Variants in CLNK observed in about 807,000 individuals in gnomAD.
CLNK encodes cytokine-dependent hematopoietic cell linker.
Under a neutral mutation model 68.6 loss-of-function variants are expected in CLNK, and 74 were observed. The ratio of observed to expected loss-of-function variants is 1.08; its 90% CI spans 0.89 to 1.31. The LOEUF is 1.31. Among genes scored for constraint, CLNK ranks in the 50% most tolerant of loss-of-function variants. The pLI is 0.00. For missense variants in CLNK, 553 were observed against 515.3 expected, an observed-to-expected ratio of 1.07 and a Z score of -0.71; for synonymous variants, 198 against 172.2, an observed-to-expected ratio of 1.15 and a Z score of -1.17.
chr4:10,649,491 A>C (rs1723645170), intron 2 of CLNK, among the ~76,000 whole-genome samples: 1 of 152,094 alleles, frequency 6.6e-6, no homozygotes, highest in Non-Finnish European at 1.5e-5. Context: ...ACTTGATACA[A>C]AGCTCACATA....
At chr4:10,530,694 TA>T (rs1718499883) in intron 12 of CLNK, among the ~76,000 whole-genome samples, 1 of 152,156 alleles carries the variant, frequency 6.6e-6, no homozygotes, top group Non-Finnish European at 1.5e-5. Context: ...ACCAAAGGGT[TA>T]TGATTTGCGG....
At chr4:10,637,513 A>C (rs1308130573) in intron 2 of CLNK, among the ~76,000 whole-genome samples, 1 of 147,942 alleles carries the variant, frequency 6.8e-6, no homozygotes, top group South Asian at 2.2e-4. Flanking sequence ...TTGGAGCAAA[A>C]CATTAGAATC....
rs1158485942 is a variant in CLNK at position 10,525,912 on chromosome 4, GTTA to G, written c.657_659del (p.Asn220del). 6.4e-7 allele frequency: 1 copy of G among 1,562,070 alleles called. No individual in the cohort carries two copies. Among genetic ancestry groups the G allele is most frequent in the African/African-American group, 1.4e-5 (1 of 73,928 alleles). ...GATGAGTTGATTCAGGCTTCCTCTG[GTTA>G]TGAGGAACTATATAAAACAGTGACA... On this transcript the variant is annotated inframe_deletion, in exon 14 of 19. Coordinates refer to ENST00000226951, the MANE Select transcript of CLNK (RefSeq NM_052964.4).
At chr4:10,499,228 C>G (rs1716934196) in intron 18 of CLNK, among the ~76,000 whole-genome samples, 2 of 152,126 alleles carry the variant, frequency 1.3e-5, no homozygotes, top group Admixed American at 1.3e-4. Flanking sequence ...TGACCCCAGC[C>G]AATGGGGAAA....
chr4:10,699,494 C>CTCTCTCTATATATATATA, the CLNK span, among the ~76,000 whole-genome samples: 16 of 56,988 alleles, frequency 2.8e-4, no homozygotes, highest in African/African-American at 1.3e-3. Context: ...CTCTCTCTCT[C>CTCTCTCTATATATATATA]TATATATATA....
intron 12 of CLNK, among the ~76,000 whole-genome samples, chr4:10,530,959 C>T (rs142799985): frequency 2.9e-4 from 44 of 152,304 alleles, no homozygotes; most frequent in African/African-American, 9.9e-4. Flanking sequence ...TGTTATCTTT[C>T]TTGGCACGAT....
At chr4:10,630,078 G>T (rs1227853704) in intron 2 of CLNK, among the ~76,000 whole-genome samples, 1 of 152,118 alleles carries the variant, frequency 6.6e-6, no homozygotes, top group Non-Finnish European at 1.5e-5. Context: ...ATAATGAAGG[G>T]ATATAACAGA....
chr4:10,525,344 C>T (rs931756285), intron 14 of CLNK, among the ~76,000 whole-genome samples: 3 of 152,136 alleles, frequency 2.0e-5, no homozygotes, highest in Non-Finnish European at 2.9e-5. Context: ...GGATTACAGG[C>T]GTGAGCCACC....
chr4:10,588,599 C>G (rs1721070444), intron 3 of CLNK, among the ~76,000 whole-genome samples: 1 of 152,144 alleles, frequency 6.6e-6, no homozygotes, highest in Non-Finnish European at 1.5e-5. Flanking sequence ...TTGTTGTTGT[C>G]TGTTCAACCC....
chr4:10,669,926 C>A (rs535354231), intron 1 of CLNK, among the ~76,000 whole-genome samples: 9 of 152,260 alleles, frequency 5.9e-5, no homozygotes, highest in Admixed American at 3.9e-4. Flanking sequence ...GGGACTTGAA[C>A]TTTCATCAGT....
At chr4:10,519,430 C>T (rs868647335) in intron 15 of CLNK, among the ~76,000 whole-genome samples, 12 of 152,202 alleles carry the variant, frequency 7.9e-5, no homozygotes, top group South Asian at 4.1e-4. Context: ...GCCCAGTCAG[C>T]CCCTGGACTT....
intron 15 of CLNK, among the ~76,000 whole-genome samples, chr4:10,515,409 C>G (rs1717788299): frequency 6.6e-6 from 1 of 151,890 alleles, no homozygotes; most frequent in South Asian, 2.1e-4. Flanking sequence ...TGTTCCTTTT[C>G]TTAAACATGA....
At chr4:10,687,640 A>G (rs1038897530), upstream of CLNK, among the ~76,000 whole-genome samples, 2 of 152,150 alleles carry the variant, frequency 1.3e-5, no homozygotes, top group African/African-American at 2.4e-5. Context: ...AGCTCACTAG[A>G]GGAGCCTATA....
At chr4:10,726,879 A>T in the CLNK span, among the ~76,000 whole-genome samples, 1 of 152,200 alleles carries the variant, frequency 6.6e-6, no homozygotes, top group African/African-American at 2.4e-5. Context: ...GATCAAATGG[A>T]ACTGTTGCTA....
chr4:10,607,838 C>T (rs1721845452), intron 2 of CLNK, among the ~76,000 whole-genome samples: 2 of 152,180 alleles, frequency 1.3e-5, no homozygotes. Flanking sequence ...CTCATTGTGT[C>T]ACTGAACTAA....
the CLNK span, among the ~76,000 whole-genome samples, chr4:10,719,256 C>T: frequency 3.3e-5 from 5 of 151,996 alleles, no homozygotes; most frequent in African/African-American, 1.2e-4. Flanking sequence ...CAGATATTAG[C>T]AGAGTGGATT....
chr4:10,523,884 G>A, intron 14 of CLNK: 1 of 335,602 alleles, frequency 3.0e-6, no homozygotes. Context: ...AATTAGCTGG[G>A]CATGGTGGCA....
intron 2 of CLNK, among the ~76,000 whole-genome samples, chr4:10,660,426 C>G (rs1724152060): frequency 6.6e-6 from 1 of 152,080 alleles, no homozygotes; most frequent in Admixed American, 6.5e-5. Context: ...AGGAAATATC[C>G]AATACCATTT....
chr4:10,702,540 G>C, the CLNK span, among the ~76,000 whole-genome samples: 1 of 152,150 alleles, frequency 6.6e-6, no homozygotes, highest in Admixed American at 6.6e-5. Flanking sequence ...AGCAAATCTG[G>C]GTAGAAGCAC....
Sources: gnomAD v4.1 joint callset for allele counts (sites outside exome capture counted in the v4.1 genomes callset) on GRCh38, gnomAD v4.1.1 for gene constraint, MANE v1.5 for transcripts, NCBI Gene and HGNC (gene_info 2026-07-23, HGNC 2026-07-21) for gene names.